Variants in NTNG1 observed in about 807,000 individuals in gnomAD.
The protein encoded by NTNG1 is netrin G1, also known as netrin-G1.
Under a neutral mutation model 54.0 loss-of-function variants are expected in NTNG1, and 16 were observed. The ratio of observed to expected loss-of-function variants is 0.30; its 90% confidence interval spans 0.20 to 0.45. The LOEUF (loss-of-function observed/expected upper bound fraction) is 0.45. Among genes scored for constraint, NTNG1 ranks in the 20% least tolerant of loss-of-function variants. NTNG1 has a pLI of 1.00. For missense variants in NTNG1, 530 were observed against 678.7 expected, an observed-to-expected ratio of 0.78 and a Z score of 2.43; for synonymous variants, 255 against 263.1, an observed-to-expected ratio of 0.97 and a Z score of 0.30.
At chr1:107,229,303 A>T (rs576765688) in intron 2 of NTNG1, among the ~76,000 whole-genome samples, 1 of 149,606 alleles carries the variant, frequency 6.7e-6, no homozygotes, top group African/African-American at 2.5e-5. Context: ...TATACACTTG[A>T]TGTCATTTTC....
intron 7 of NTNG1, among the ~76,000 whole-genome samples, chr1:107,472,103 G>C (rs1412603958): frequency 6.6e-6 from 1 of 152,166 alleles, no homozygotes; most frequent in Non-Finnish European, 1.5e-5. Context: ...ACAGGGATGA[G>C]ACTTGAATCA....
At chr1:107,144,408 A>G (rs1653957498) in intron 1 of NTNG1, among the ~76,000 whole-genome samples, 1 of 152,066 alleles carries the variant, frequency 6.6e-6, no homozygotes, top group Non-Finnish European at 1.5e-5. Flanking sequence ...GCTTACTACC[A>G]CCATTCCCAC....
chr1:107,169,394 G>A (rs760001946), intron 2 of NTNG1, among the ~76,000 whole-genome samples: 33 of 152,084 alleles, frequency 2.2e-4, no homozygotes, highest in Non-Finnish European at 2.6e-4. Context: ...GCATAGTGGT[G>A]AAGTCTAGAC....
intron 2 of NTNG1, among the ~76,000 whole-genome samples, chr1:107,251,839 A>G (rs773605708): frequency 6.6e-5 from 10 of 152,124 alleles, no homozygotes; most frequent in Non-Finnish European, 1.0e-4. Context: ...CATTAGTTTC[A>G]TCCATAAGTG....
chr1:107,184,453 T>A (rs1309951326), intron 2 of NTNG1, among the ~76,000 whole-genome samples: 1 of 152,084 alleles, frequency 6.6e-6, no homozygotes, highest in Non-Finnish European at 1.5e-5. Context: ...TGCCACTGAG[T>A]AGTTTTCTCA....
intron 2 of NTNG1, among the ~76,000 whole-genome samples, chr1:107,281,880 C>T (rs1013773909): frequency 2.0e-5 from 3 of 152,092 alleles, no homozygotes; most frequent in Admixed American, 2.0e-4. Flanking sequence ...TAATGACTCA[C>T]ATTTTGTCAA....
chr1:107,147,072 G>A (rs1654175233), intron 1 of NTNG1, among the ~76,000 whole-genome samples: 1 of 151,968 alleles, frequency 6.6e-6, no homozygotes, highest in African/African-American at 2.4e-5. Flanking sequence ...CCAAATGTTA[G>A]CATTTGTTCA....
intron 2 of NTNG1, among the ~76,000 whole-genome samples, chr1:107,222,115 C>T (rs1024583842): frequency 9.9e-5 from 15 of 152,050 alleles, no homozygotes; most frequent in African/African-American, 2.9e-4. Flanking sequence ...TCTTCCATCT[C>T]GGTGGATACA....
At chr1:107,356,314 G>A (rs1018350831) in intron 3 of NTNG1, among the ~76,000 whole-genome samples, 16 of 152,104 alleles carry the variant, frequency 1.1e-4, no homozygotes, top group African/African-American at 3.9e-4. Context: ...TTTATTTAGA[G>A]ACAGAGTCTT....
intron 2 of NTNG1, among the ~76,000 whole-genome samples, chr1:107,270,506 T>TA (rs1252038057): frequency 6.6e-6 from 1 of 152,194 alleles, no homozygotes; most frequent in African/African-American, 2.4e-5. Flanking sequence ...ATGATAGAAA[T>TA]AAACAATTCC....
intron 2 of NTNG1, among the ~76,000 whole-genome samples, chr1:107,306,134 T>C (rs866538967): frequency 6.6e-6 from 1 of 152,210 alleles, no homozygotes; most frequent in Non-Finnish European, 1.5e-5. Flanking sequence ...AAACTACTAC[T>C]ATCCTATAGA....
chr1:107,234,229 T>C (rs1320840991), intron 2 of NTNG1, among the ~76,000 whole-genome samples: 1 of 152,130 alleles, frequency 6.6e-6, no homozygotes, highest in Non-Finnish European at 1.5e-5. Context: ...TTCAAGCGAT[T>C]TTCCTGCCTC....
chr1:107,458,422 A>G (rs1571004739), intron 7 of NTNG1, among the ~76,000 whole-genome samples: 1 of 152,290 alleles, frequency 6.6e-6, no homozygotes, highest in Non-Finnish European at 1.5e-5. Context: ...GAGAGGCAAA[A>G]TTATTTTCAA....
rs554347130 is a variant in NTNG1, at chr1:107,206,889, C to T, written c.246+58050C>T. Among the ~76,000 whole-genome samples the T allele has an allele frequency of 7.2e-5, 11 of 152,044 alleles. No homozygotes were observed. The East Asian group carries it at 1.4e-3, about 19-fold the overall frequency. The stretch of plus-strand genomic sequence containing the variant: ...CGAGCCCGCCTTTAATATAAGACCT[C>T]GATGTATATTCCGCCATCTCGCTGG... On this transcript the variant is annotated intron_variant, in intron 2 of 7. Transcript: ENST00000370068.
chr1:107,379,901 A>G (rs548198749), intron 3 of NTNG1, among the ~76,000 whole-genome samples: 2 of 152,368 alleles, frequency 1.3e-5, no homozygotes, highest in Admixed American at 6.5e-5. Flanking sequence ...AAGAACATCA[A>G]TAAAGATGCT....
chr1:107,353,217 C>T (rs1052476109), intron 3 of NTNG1, among the ~76,000 whole-genome samples: 1 of 152,192 alleles, frequency 6.6e-6, no homozygotes, highest in Non-Finnish European at 1.5e-5. Context: ...TTACACTCTG[C>T]TTCCCTTTCA....
At chr1:107,235,428 A>G (rs1010460601) in intron 2 of NTNG1, among the ~76,000 whole-genome samples, 3 of 152,178 alleles carry the variant, frequency 2.0e-5, no homozygotes, top group Non-Finnish European at 2.9e-5. Flanking sequence ...TACTGGTAGG[A>G]ACATGTCAAT....
chr1:107,374,449 T>C (rs899268644), intron 3 of NTNG1, among the ~76,000 whole-genome samples: 5 of 152,166 alleles, frequency 3.3e-5, no homozygotes, highest in African/African-American at 9.6e-5. Context: ...TCTCTATGTT[T>C]CATTTTAAAC....
intron 3 of NTNG1, among the ~76,000 whole-genome samples, chr1:107,383,677 A>G (rs1273083141): frequency 6.6e-6 from 1 of 152,216 alleles, no homozygotes; most frequent in East Asian, 1.9e-4. Context: ...ACTCAGTTGG[A>G]TGCACCCAGC....
Sources: gnomAD v4.1 joint callset for allele counts (sites outside exome capture counted in the v4.1 genomes callset) on GRCh38, gnomAD v4.1.1 for gene constraint, MANE v1.5 for transcripts, NCBI Gene and HGNC (gene_info 2026-07-23, HGNC 2026-07-21) for gene names.